The following IRAK1 variants were observed in gnomAD, a reference collection of about 807,000 sequenced individuals.
IRAK1 encodes interleukin-1 receptor-associated kinase 1.
IRAK1 carries 9 observed loss-of-function variants against 49.8 expected under a neutral mutation model. The observed-to-expected ratio is 0.18, with a 90% CI of 0.11 to 0.32. The LOEUF (loss-of-function observed/expected upper bound fraction) is 0.32, where lower values mean the gene tolerates loss of function less well. Among genes scored for constraint, IRAK1 ranks in the 10% least tolerant of loss-of-function variants. The pLI, the probability that IRAK1 is intolerant of heterozygous loss-of-function variation, is 1.00. For synonymous variants in IRAK1, 282 were observed against 270.8 expected (o/e 1.04, Z -0.41); for missense variants, 418 against 600.5 (o/e 0.70, Z 3.18).
At chrX:154,012,462 C>T (rs1557127762) in intron 13 of IRAK1, 67 bp downstream of exon 13, 7 of 1,130,322 alleles carry the variant, frequency 6.2e-6, no homozygotes, top group Non-Finnish European at 8.3e-6. Flanking sequence ...TCGGGACAGA[C>T]ACTCTGCTCT....
At chrX:154,016,187 G>A (rs1266902905) in intron 9 of IRAK1, 90 bp from the exon 10 acceptor site, 8 of 805,948 alleles carry the variant, frequency 9.9e-6, no homozygotes, top group African/African-American at 2.0e-5. Flanking sequence ...ACAAGGGTGT[G>A]GACAAAGGCA....
chrX:154,013,392 C>A lies in IRAK1; in HGVS notation c.1581G>T (p.Gly527=). Residue 527 remains glycine, a synonymous_variant, in exon 12 of 14, where the codon GGG becomes GGT. Coordinates refer to ENST00000369980, the MANE Select transcript of IRAK1 (RefSeq NM_001569.4). ...TGGCGGCCTCCGAATGCCCGGGCAC[C>A]CCCGCCACCACTGCCTGCAGCTTCT... The part of the protein sequence containing the change: ...RLEKLQAVVA[G]VPGHSEAASC... The A allele has an allele frequency of 4.2e-6, 5 of 1,198,600 alleles. No homozygotes were observed. The Middle Eastern group carries it at 9.4e-4, about 225-fold the overall frequency.
In IRAK1 at chrX:154,017,988, C is replaced by T. The variant is rs782628763; in HGVS notation, c.909+18G>A. 13 of 1,127,746 alleles carry T rather than the reference C, an allele frequency of 1.2e-5. No homozygotes were observed. Among genetic ancestry groups the T allele is most frequent in the Non-Finnish European group, 1.6e-5 (13 of 820,871 alleles). The allele number at this position is 1,127,746 out of a possible 1,213,427, so 92.9% of individuals were successfully genotyped here. A position where few individuals can be genotyped will look rare whatever the true frequency, so the allele number is the denominator to read the frequency against. On this transcript the variant is annotated intron_variant, in intron 7 of 13. Coordinates refer to ENST00000369980, the MANE Select transcript of IRAK1 (RefSeq NM_001569.4). ...GTGCTTTGGGTCCTGGGAAGCGTGC[C>T]GGGCCAGGTGAGCCTACCTGGCAGT...
intron 2 of IRAK1, 32 bp from the exon 3 acceptor site, chrX:154,019,360 G>C: frequency 8.7e-7 from 1 of 1,143,094 alleles, no homozygotes; most frequent in Non-Finnish European, 1.2e-6. Context: ...GGAAGGTTGA[G>C]GCCCGGGTGG....
At chrX:154,014,376 A>T (rs2065724609) in intron 10 of IRAK1, 98 bp from the exon 11 acceptor site, 4 of 164,683 alleles carry the variant, frequency 2.4e-5, no homozygotes, top group African/African-American at 8.2e-5. Context: ...TTTGATAAAA[A>T]AAAAAAAAAA....
Position 154,019,290 on chromosome X carries a change from C to T in IRAK1, c.343G>A (p.Ala115Thr). The change falls in exon 3 of 14, where the codon GCC becomes ACC. Residue 115 changes from alanine (A) to threonine (T), a missense_variant. Coordinates refer to ENST00000369980, the MANE Select transcript of IRAK1 (RefSeq NM_001569.4). ...PAPLPSPGTTAPRPSSIPAPA... is the reference protein window; with the variant it reads ...PAPLPSPGTTTPRPSSIPAPA... The stretch of plus-strand genomic sequence containing the variant: ...GCAGGGATGCTGCTGGGCCTCGGGG[C>T]AGTGGTGCCTGGGGACGGAAGCGGG... 8.5e-7 allele frequency: 1 copy of T among 1,183,030 alleles called. No individual in the cohort carries two copies. The highest frequency in any genetic ancestry group is 1.1e-6 in the Non-Finnish European group (1 of 880,255).
At chrX:154,017,936 G>A (rs1410313065) in intron 7 of IRAK1, 70 bp downstream of exon 7, 4 of 770,831 alleles carry the variant, frequency 5.2e-6, no homozygotes, top group Non-Finnish European at 7.9e-6. Flanking sequence ...CCTAGGCCCC[G>A]CGCCCGGCTC....
Position 154,011,614 on chromosome X carries a change from C to A in IRAK1, c.*245G>T. 8.7e-6 allele frequency: 4 copies of A among 461,041 alleles called. No individual in the cohort carries two copies. The Admixed American group carries it at 1.2e-4, about 13-fold the overall frequency. 38.0% of individuals were successfully genotyped at this position (461,041 alleles called of 1,213,427 possible). ...GTGCAGCCAGCAGCCTCCCAACATG[C>A]GCCAGCCTCCTCACTGGATGATGCC... On this transcript the variant is annotated 3_prime_UTR_variant, in exon 14 of 14. Coordinates refer to ENST00000369980, the MANE Select transcript of IRAK1 (RefSeq NM_001569.4).
At chrX:154,016,766 C>T in intron 8 of IRAK1, 122 bp from the exon 9 acceptor site, 1 of 665,621 alleles carries the variant, frequency 1.5e-6, no homozygotes, top group Non-Finnish European at 2.3e-6. Context: ...TGGCACTGCC[C>T]TGAGCGCTCC....
chrX:154,012,019 G>T, intron 13 of IRAK1, 102 bp from the exon 14 acceptor site: 1 of 658,526 alleles, frequency 1.5e-6, no homozygotes, highest in Non-Finnish European at 2.4e-6. Context: ...ATCTCCTGGG[G>T]CGTTCGTGGG....
In IRAK1 at chrX:154,010,750, A is replaced by G; in HGVS notation, c.*1109T>C. ...CCCTTCCCTGTCTGCCATGCTCCCAACTTTTCTGCCTTCCAGGGGCTTCTC... is the reference window on the plus strand; with the variant it reads ...CCCTTCCCTGTCTGCCATGCTCCCAGCTTTTCTGCCTTCCAGGGGCTTCTC... On this transcript the variant is annotated 3_prime_UTR_variant, in exon 14 of 14. Coordinates refer to ENST00000369980, the MANE Select transcript of IRAK1 (RefSeq NM_001569.4). The G allele has an allele frequency of 4.2e-6, 1 of 238,966 alleles. No individual in the cohort carries two copies. The highest frequency in any genetic ancestry group is 8.0e-6 in the Non-Finnish European group (1 of 125,074). The allele number at this position is 238,966 out of a possible 1,213,427, so 19.7% of individuals were successfully genotyped here. A position where few individuals can be genotyped will look rare whatever the true frequency, so the allele number is the denominator to read the frequency against.
At chrX:154,014,943 G>A (rs1557128730) in intron 10 of IRAK1, among the ~76,000 whole-genome samples, 6 of 111,292 alleles carry the variant, frequency 5.4e-5, no homozygotes, top group Admixed American at 2.8e-4. Context: ...GCGCCCCACA[G>A]AGAGGTGCCC....
chrX:154,019,222 G>T lies in IRAK1; in HGVS notation c.411C>A (p.Ser137=). 1 of 1,210,959 alleles carries T rather than the reference G, an allele frequency of 8.3e-7. No homozygotes were observed. ...AEAWSPRKLP[S]SASTFLSPAF... ...CTGGGGAGAGGAAGGTGGAGGCTGAGGATGGCAACTTCCGGGGGCTCCAGG... is the reference window on the plus strand; with the variant it reads ...CTGGGGAGAGGAAGGTGGAGGCTGATGATGGCAACTTCCGGGGGCTCCAGG... The change falls in exon 3 of 14, where the codon TCC becomes TCA. Residue 137 remains serine, a synonymous_variant. Coordinates refer to ENST00000369980, the MANE Select transcript of IRAK1 (RefSeq NM_001569.4).
At chrX:154,017,688 C>G (rs1473608187) in intron 7 of IRAK1, among the ~76,000 whole-genome samples, 1 of 105,004 alleles carries the variant, frequency 9.5e-6, no homozygotes, top group Non-Finnish European at 1.9e-5. Flanking sequence ...CCCAGCTACT[C>G]GGGAGGCTGC....
chrX:154,014,017 C>G, intron 11 of IRAK1, 25 bp downstream of exon 11: 1 of 1,192,699 alleles, frequency 8.4e-7, no homozygotes, highest in Non-Finnish European at 1.1e-6. Flanking sequence ...ATCTGGCCAC[C>G]CCGTCCCAGT....
In IRAK1 at chrX:154,016,567, C is replaced by T. The variant is rs145385375; in HGVS notation, c.1106G>A (p.Gly369Glu). 207 of 1,210,868 alleles carry T rather than the reference C, an allele frequency of 1.7e-4. 1 individual carries two copies. The Middle Eastern group carries it at 4.6e-3, about 27-fold the overall frequency. ...CATGCTGCTCTGGCTGGGGCTGGAC[C>T]CGGCAAAGCGGCTGAACCGGGCCAG... ...FGLARFSRFA[G>E]SSPSQSSMVA... The change falls in exon 9 of 14, where the codon GGG becomes GAG. Residue 369 changes from glycine (G) to glutamate (E), a missense_variant. By Grantham distance (98) the Gly-to-Glu change is moderately conservative. Around this residue, in one of 3 missense-constraint regions of IRAK1, gnomAD observed 377 missense variants for 499.5 expected, o/e 0.75. Transcript: ENST00000369980.
intron 11 of IRAK1, 57 bp from the exon 12 acceptor site, chrX:154,013,490 C>T (rs1452894236): frequency 6.4e-6 from 7 of 1,090,188 alleles, no homozygotes; most frequent in Middle Eastern, 2.8e-4. Context: ...CCGGTCACCC[C>T]GTGGGCAAAC....
rs782400706 is a variant in IRAK1, at chrX:154,018,033, G to A, written c.882C>T (p.Gly294=). 8 of 1,206,876 alleles carry A rather than the reference G, an allele frequency of 6.6e-6. No homozygotes were observed. In the Admixed American group the frequency reaches 8.7e-5, roughly 13 times the overall value. Residue 294 remains glycine (G), a synonymous_variant, in exon 7 of 14, where the codon GGC becomes GGT. Transcript: ENST00000369980. ...GGCAGTGGAGACGGTCCTCCAGGGA[G>A]CCGTTGGGCAGGAAGCCGTACACCA... The part of the protein sequence containing the change: ...YCLVYGFLPN[G]SLEDRLHCQT...
chrX:154,016,704 G>C (rs1399241738), intron 8 of IRAK1, 60 bp from the exon 9 acceptor site: 1 of 1,001,767 alleles, frequency 1.0e-6, no homozygotes, highest in Non-Finnish European at 1.4e-6. Flanking sequence ...GCCCGGCTTA[G>C]ATAAGGCTGG....
Sources: gnomAD v4.1 joint callset for allele counts (sites outside exome capture counted in the v4.1 genomes callset) on GRCh38, gnomAD v4.1.1 for gene constraint, gnomAD v4.1.1 regional missense constraint, MANE v1.5 for transcripts, NCBI Gene and HGNC (gene_info 2026-07-23, HGNC 2026-07-21) for gene names.